NLGN1: variants seen among roughly 807,000 people sequenced by gnomAD.
The protein encoded by NLGN1 is neuroligin-1.
Under a neutral mutation model 65.5 loss-of-function variants are expected in NLGN1, and 12 were observed. The observed-to-expected ratio is 0.18, with a 90% CI of 0.12 to 0.30. The LOEUF (loss-of-function observed/expected upper bound fraction) is 0.30. Ranked by LOEUF, NLGN1 falls within the 10% of genes least tolerant of loss-of-function variation. The pLI, the probability that NLGN1 is intolerant of heterozygous loss-of-function variation, is 1.00. For synonymous variants in NLGN1, 350 were observed against 359.5 expected, an observed-to-expected ratio of 0.97 and a Z score of 0.30; for missense variants, 750 against 1,007.1, an observed-to-expected ratio of 0.74 and a Z score of 3.46.
rs557375141 is a variant in NLGN1, at chr3:173,492,989, C to A, written c.-321+57911C>A. On this transcript the variant is annotated intron_variant, in intron 2 of 6. Transcript: ENST00000457714. ...CTAGCTCCAGGTCATTGTCAGTGGC[C>A]CCTGAAACATATTATTATTATATGT... Among the ~76,000 whole-genome samples the A allele has an allele frequency of 5.3e-5, 8 of 151,590 alleles. No homozygotes were observed. The East Asian group carries it at 1.6e-3, about 29-fold the overall frequency.
chr3:174,132,074 G>T (rs1165007555), intron 4 of NLGN1, among the ~76,000 whole-genome samples: 1 of 152,200 alleles, frequency 6.6e-6, no homozygotes, highest in Non-Finnish European at 1.5e-5. Flanking sequence ...AGGACAGAAG[G>T]TGTGTGTTCC....
chr3:173,835,731 G>C (rs147695311), intron 4 of NLGN1, among the ~76,000 whole-genome samples: 2 of 151,796 alleles, frequency 1.3e-5, no homozygotes, highest in Non-Finnish European at 2.9e-5. Flanking sequence ...TGCAATCAAA[G>C]AATATAAATG....
chr3:173,629,086 TC>T (rs1755265303), intron 3 of NLGN1, among the ~76,000 whole-genome samples: 2 of 151,786 alleles, frequency 1.3e-5, no homozygotes, highest in South Asian at 4.1e-4. Context: ...ATGCTTATCA[TC>T]CTTTCCTTTT....
intron 4 of NLGN1, among the ~76,000 whole-genome samples, chr3:173,832,919 T>C (rs1722890115): frequency 1.3e-5 from 2 of 152,222 alleles, no homozygotes; most frequent in Non-Finnish European, 2.9e-5. Context: ...AAAGGTATAT[T>C]GGCAATCTTT....
chr3:174,253,063 C>G (rs754297502), intron 4 of NLGN1, among the ~76,000 whole-genome samples: 67 of 152,058 alleles, frequency 4.4e-4, no homozygotes, highest in Non-Finnish European at 8.1e-4. Flanking sequence ...TTATTTCTAA[C>G]AGAGGGAAAA....
intron 4 of NLGN1, among the ~76,000 whole-genome samples, chr3:174,057,305 G>T (rs1736358316): frequency 6.6e-6 from 1 of 152,012 alleles, no homozygotes; most frequent in Non-Finnish European, 1.5e-5. Context: ...ATGTGTGAAT[G>T]CTACTGCAAT....
intron 2 of NLGN1, among the ~76,000 whole-genome samples, chr3:173,506,146 G>A (rs1473964155): frequency 1.3e-5 from 2 of 151,956 alleles, no homozygotes; most frequent in South Asian, 4.2e-4. Flanking sequence ...GGTGTCTGCT[G>A]TTTTTTCCTT....
chr3:174,050,618 G>A (rs1734621370), intron 4 of NLGN1, among the ~76,000 whole-genome samples: 1 of 152,016 alleles, frequency 6.6e-6, no homozygotes. Context: ...GGTGCAGAGA[G>A]TACTCTCTGC....
intron 4 of NLGN1, among the ~76,000 whole-genome samples, chr3:173,828,040 A>G (rs1721722824): frequency 6.6e-6 from 1 of 152,132 alleles, no homozygotes; most frequent in Non-Finnish European, 1.5e-5. Flanking sequence ...CCCTTAGCCC[A>G]GTCACATTGA....
intron 2 of NLGN1, among the ~76,000 whole-genome samples, chr3:173,515,803 G>A (rs1168756426): frequency 6.6e-6 from 1 of 151,812 alleles, no homozygotes; most frequent in Non-Finnish European, 1.5e-5. Context: ...TATACTCGTA[G>A]CCCTCATTTC....
chr3:174,285,266 G>A (rs573540097), exon 7 of NLGN1: 20 of 151,536 alleles, frequency 1.3e-4, no homozygotes, highest in African/African-American at 4.1e-4. Context: ...GTTTTCTTCT[G>A]TGTTATTGGT....
At chr3:173,650,983 G>T (rs946198562) in intron 3 of NLGN1, among the ~76,000 whole-genome samples, 3 of 151,628 alleles carry the variant, frequency 2.0e-5, no homozygotes, top group Non-Finnish European at 4.4e-5. Context: ...TTGATACATG[G>T]ATAAATTGTG....
At chr3:173,704,366 A>AT (rs982454939) in intron 3 of NLGN1, among the ~76,000 whole-genome samples, 3 of 152,058 alleles carry the variant, frequency 2.0e-5, no homozygotes, top group Admixed American at 6.6e-5. Flanking sequence ...GTATGTATGG[A>AT]TTTTTTTTCA....
intron 3 of NLGN1, among the ~76,000 whole-genome samples, chr3:173,786,794 G>A (rs1432562840): frequency 6.6e-6 from 1 of 151,978 alleles, no homozygotes; most frequent in African/African-American, 2.4e-5. Context: ...AACAGATATG[G>A]GGCAGGGCAT....
At position 174,160,369 on chromosome 3, in the gene NLGN1, A is replaced by G. The variant is rs1396799113; in HGVS notation, c.647-114946A>G. Among the ~76,000 whole-genome samples the G allele has an allele frequency of 1.1e-4, 16 of 151,714 alleles. No homozygotes were observed. In the Admixed American group the frequency reaches 1.1e-3, roughly 10 times the overall value. ...CATTCCTCTTCCTCCCCTGCCCAAA[A>G]TAGGAAATCCTTTTACATAACCATA... On this transcript the variant is annotated intron_variant, in intron 4 of 6. Coordinates refer to ENST00000457714, the Ensembl canonical transcript of NLGN1.
intron 3 of NLGN1, among the ~76,000 whole-genome samples, chr3:173,624,476 C>T (rs1043703833): frequency 5.3e-5 from 8 of 151,998 alleles, no homozygotes; most frequent in Non-Finnish European, 8.8e-5. Flanking sequence ...TTCCAAGAAG[C>T]GAAACTTTTG....
chr3:173,635,623 A>G (rs1204698408), intron 3 of NLGN1, among the ~76,000 whole-genome samples: 5 of 152,174 alleles, frequency 3.3e-5, no homozygotes, highest in Admixed American at 2.0e-4. Context: ...TCACCCGGCC[A>G]GGAACTAACA....
chr3:173,603,319 T>A (rs1750852065), intron 2 of NLGN1, among the ~76,000 whole-genome samples: 2 of 152,156 alleles, frequency 1.3e-5, no homozygotes, highest in South Asian at 4.1e-4. Flanking sequence ...TATATTTTAG[T>A]CTGATGCAGT....
chr3:173,918,660 A>ATATGTG (rs1306059586), intron 4 of NLGN1, among the ~76,000 whole-genome samples: 6 of 111,812 alleles, frequency 5.4e-5, no homozygotes, highest in African/African-American at 2.1e-4. Context: ...AGAAATACAT[A>ATATGTG]TGTGTGTGTG....
Sources: allele counts gnomAD v4.1 joint callset (sites outside exome capture counted in the v4.1 genomes callset), GRCh38; gene constraint gnomAD v4.1.1; transcripts MANE v1.5; gene names NCBI Gene and HGNC (gene_info 2026-07-23, HGNC 2026-07-21).